Variants in BCL3 observed in about 807,000 individuals in gnomAD.
BCL3 encodes B-cell lymphoma 3 protein.
A neutral mutation model predicts 35.7 loss-of-function variants in BCL3; 15 were observed. The observed-to-expected ratio is 0.42, with a 90% confidence interval of 0.28 to 0.65. The LOEUF is 0.65. Among genes scored for constraint, BCL3 ranks in the 30% least tolerant of loss-of-function variants. The pLI, the probability that BCL3 is intolerant of heterozygous loss-of-function variation, is 0.22. For missense variants in BCL3, 565 were observed against 641.7 expected, an observed-to-expected ratio of 0.88 and a Z score of 1.29; for synonymous variants, 311 against 284.3, an observed-to-expected ratio of 1.09 and a Z score of -0.95.
chr19:44,748,677 C>G (rs1230144313), upstream of BCL3: 11 of 1,042,010 alleles, frequency 1.1e-5, no homozygotes, highest in Non-Finnish European at 1.2e-5. Flanking sequence ...CCGCCCCGGC[C>G]GACAAAAGTC....
intron 2 of BCL3, 131 bp from the exon 3 acceptor site, chr19:44,756,100 TG>T: frequency 3.8e-6 from 2 of 532,270 alleles, no homozygotes; most frequent in Non-Finnish European, 6.0e-6. Flanking sequence ...AGGGAGTGGG[TG>T]GGGAGAAGTG....
At chr19:44,747,820 TTCTC>T, upstream of BCL3, 15 of 1,116,522 alleles carry the variant, frequency 1.3e-5, no homozygotes, top group South Asian at 2.4e-5. Flanking sequence ...CCATGTCTCT[TTCTC>T]TCTGTGCACC....
Position 44,748,968 on chromosome 19 carries a change from C to G in BCL3, c.178C>G (p.Leu60Val). ...AAGLVVPLDP[L>V]RGGCDLPAVP... Reference sequence around the variant, plus strand: ...GGGCCTTGTCGTCCCCCTGGACCCTCTGCGCGGCGGCTGCGACCTGCCGGC... The same window carrying G: ...GGGCCTTGTCGTCCCCCTGGACCCTGTGCGCGGCGGCTGCGACCTGCCGGC... Residue 60 changes from leucine to valine, a missense_variant, in exon 1 of 9, where the codon CTG (leucine) becomes GTG (valine). Leu to Val is a conservative substitution (Grantham distance 32). Coordinates refer to ENST00000164227, the MANE Select transcript of BCL3 (RefSeq NM_005178.5). 1 of 1,372,714 alleles carries G rather than the reference C, an allele frequency of 7.3e-7. No individual in the cohort carries two copies. Among genetic ancestry groups the G allele is most frequent in the Non-Finnish European group, 9.4e-7 (1 of 1,060,308 alleles). The allele number at this position is 1,372,714 out of a possible 1,614,324, so 85.0% of individuals were successfully genotyped here. A position where few individuals can be genotyped will look rare whatever the true frequency, so the allele number is the denominator to read the frequency against.
chr19:44,754,736 C>T (rs1967250311), intron 2 of BCL3, among the ~76,000 whole-genome samples: 1 of 152,228 alleles, frequency 6.6e-6, no homozygotes, highest in Non-Finnish European at 1.5e-5. Flanking sequence ...GCCCCTCCCT[C>T]AACATTTTAT....
rs369493245 is a variant in BCL3, at chr19:44,751,249, C to T, written c.279C>T (p.Pro93=). Residue 93 remains proline (P), a synonymous_variant, in exon 2 of 9, where the codon CCC becomes CCT. Transcript: ENST00000164227. ...CAGGAGCCTTACTGCCTTTGTACCC[C>T]ACTCGGGCCATGGGCTCCCCGTTTC... ...YYPGALLPLY[P]TRAMGSPFPL... The T allele has an allele frequency of 4.3e-6, 7 of 1,611,174 alleles. No individual in the cohort carries two copies. The highest frequency in any genetic ancestry group is 1.7e-5 in the Admixed American group (1 of 59,522).
Position 44,759,577 on chromosome 19 carries a change from C to A in BCL3, c.1327C>A (p.Arg443=). 6.2e-7 allele frequency: 1 copy of A among 1,609,552 alleles called. No individual in the cohort carries two copies. The highest frequency in any genetic ancestry group is 1.7e-5 in the Admixed American group (1 of 59,804). Residue 443 remains arginine, a synonymous_variant, in exon 9 of 9, where the codon CGG becomes AGG. Coordinates refer to ENST00000164227, the MANE Select transcript of BCL3 (RefSeq NM_005178.5). ...PFAGVLRGPG[R]PVPPSPAPGG... is the part of the protein sequence containing the mutation. ...TGCTGGGGTCCTCCGAGGCCCTGGC[C>A]GGCCGGTGCCCCCCTCCCCAGCTCC... is the stretch of plus-strand genomic sequence containing the variant.
chr19:44,754,807 C>T (rs1489950948), intron 2 of BCL3, among the ~76,000 whole-genome samples: 2 of 152,250 alleles, frequency 1.3e-5, no homozygotes, highest in Non-Finnish European at 1.5e-5. Flanking sequence ...CGTGATCTCA[C>T]CCTGGCATGT....
At position 44,748,934 on chromosome 19, in the gene BCL3, C is replaced by G; in HGVS notation, c.144C>G (p.Arg48=). 8.3e-7 allele frequency: 1 copy of G among 1,205,862 alleles called. No homozygotes were observed. Among genetic ancestry groups the G allele is most frequent in the African/African-American group, 1.6e-5 (1 of 62,662 alleles). 74.7% of individuals were successfully genotyped at this position (1,205,862 alleles called of 1,614,324 possible). A position where few individuals can be genotyped will look rare whatever the true frequency, so the allele number is the denominator to read the frequency against. The part of the protein sequence containing the change: ...RAPSPEPAAP[R]GAAGLVVPLD... ...CCTCCCCGGAGCCCGCCGCTCCCCG[C>G]GGCGCTGCGGGCCTTGTCGTCCCCC... The change falls in exon 1 of 9, where the codon CGC becomes CGG. Residue 48 remains arginine (R), a synonymous_variant. Transcript: ENST00000164227.
intron 2 of BCL3, among the ~76,000 whole-genome samples, chr19:44,751,629 T>A (rs920796188): frequency 6.6e-6 from 1 of 152,122 alleles, no homozygotes; most frequent in African/African-American, 2.4e-5. Flanking sequence ...TGAGACAGGG[T>A]CTCACTCTGT....
Position 44,748,853 on chromosome 19 carries a change from G to A in BCL3, c.63G>A (p.Lys21=), listed in dbSNP as rs1967118763. The change falls in exon 1 of 9, where the codon AAG becomes AAA. Residue 21 remains lysine (K), a synonymous_variant. Transcript: ENST00000164227. ...CCGTGGACCTGCGCACCCGGCCCAAGGCCGCCGGACTCCCGGGCGCCGCGC... is the reference window on the plus strand; with the variant it reads ...CCGTGGACCTGCGCACCCGGCCCAAAGCCGCCGGACTCCCGGGCGCCGCGC... ...EGPVDLRTRP[K]AAGLPGAALP... 1.8e-6 allele frequency: 2 copies of A among 1,105,372 alleles called. No homozygotes were observed. The highest frequency in any genetic ancestry group is 2.2e-6 in the Non-Finnish European group (2 of 908,582). The allele number at this position is 1,105,372 out of a possible 1,614,324, so 68.5% of individuals were successfully genotyped here.
rs746104910 is a variant in BCL3 at position 44,757,372 on chromosome 19, C to T, written c.770C>T (p.Thr257Ile). 1 of 1,606,584 alleles carries T rather than the reference C, an allele frequency of 6.2e-7. No individual in the cohort carries two copies. Among genetic ancestry groups the T allele is most frequent in the Admixed American group, 1.7e-5 (1 of 59,324 alleles). Residue 257 changes from threonine to isoleucine, a missense_variant, in exon 5 of 9, where the codon ACC becomes ATC. Physicochemically the swap from Thr to Ile is moderately conservative, Grantham distance 89. Coordinates refer to ENST00000164227, the MANE Select transcript of BCL3 (RefSeq NM_005178.5). This position sits in a 1 kb window ranked among gnomAD's most constrained non-coding sequence, Gnocchi z 8.4. ...HVAVNTECQE[T>I]VQLLLERGAD... ...GCAGTGAACACCGAGTGCCAAGAAA[C>T]CGTGCAGCTCTTGCTAGAGCGCGGT...
chr19:44,749,904 G>A (rs566758820), intron 1 of BCL3, among the ~76,000 whole-genome samples: 1 of 152,238 alleles, frequency 6.6e-6, no homozygotes, highest in Non-Finnish European at 1.5e-5. Context: ...TTGGAGATAC[G>A]AGGACCTGGA....
chr19:44,748,687 C>T, upstream of BCL3: 1 of 1,044,124 alleles, frequency 9.6e-7, no homozygotes, highest in Non-Finnish European at 1.2e-6. Context: ...CGACAAAAGT[C>T]CCTTCAGTTC....
chr19:44,753,668 G>A (rs1967224664), intron 2 of BCL3, among the ~76,000 whole-genome samples: 1 of 152,242 alleles, frequency 6.6e-6, no homozygotes, highest in East Asian at 1.9e-4. Context: ...GGGGCGAGGA[G>A]GGCGGGGGAC....
chr19:44,747,889 G>A, upstream of BCL3: 1 of 1,153,724 alleles, frequency 8.7e-7, no homozygotes, highest in Non-Finnish European at 1.1e-6. Context: ...TGGGGGCAGG[G>A]CCCCCAACGA....
chr19:44,756,577 AGGGC>A (rs1214992682), intron 3 of BCL3, among the ~76,000 whole-genome samples: 3 of 114,296 alleles, frequency 2.6e-5, no homozygotes, highest in African/African-American at 1.0e-4. Flanking sequence ...CTGAGGGAGG[AGGGC>A]TGGGGATCTG....
At chr19:44,754,539 C>G (rs754169712) in intron 2 of BCL3, among the ~76,000 whole-genome samples, 100 of 152,286 alleles carry the variant, frequency 6.6e-4, no homozygotes, top group Non-Finnish European at 1.3e-3. Context: ...TCGCCCCTCC[C>G]GTCCCCACTT....
intron 2 of BCL3, among the ~76,000 whole-genome samples, chr19:44,754,284 G>T (rs1568544335): frequency 6.6e-6 from 1 of 152,200 alleles, no homozygotes; most frequent in African/African-American, 2.4e-5. Flanking sequence ...GCTCTGCGGG[G>T]TGGAGTTCCA....
rs374391137 is a variant in BCL3 at position 44,753,530 on chromosome 19, TC to T, written c.410+2156del. 5.1e-4 allele frequency among the ~76,000 whole-genome samples: 78 copies of T among 152,040 alleles called. No individual in the cohort carries two copies. In the South Asian group the frequency reaches 7.7e-3, roughly 15 times the overall value. Reference sequence around the variant, plus strand: ...CAGCACCCGTCACTCACTCGCAGCCTCCCCCCTCCTGGCGCTTCCTCCAACC... The same window carrying T: ...CAGCACCCGTCACTCACTCGCAGCCTCCCCCTCCTGGCGCTTCCTCCAACC... On this transcript the variant is annotated intron_variant, in intron 2 of 8. Coordinates refer to ENST00000164227, the MANE Select transcript of BCL3 (RefSeq NM_005178.5).
Sources: gnomAD v4.1 joint callset for allele counts (sites outside exome capture counted in the v4.1 genomes callset) on GRCh38, gnomAD v4.1.1 for gene constraint, Gnocchi (gnomAD v3.1) non-coding constraint, MANE v1.5 for transcripts, NCBI Gene and HGNC (gene_info 2026-07-23, HGNC 2026-07-21) for gene names.